The following DOCK6 variants were observed in gnomAD, a reference collection of about 807,000 sequenced individuals.
DOCK6 encodes the protein dedicator of cytokinesis protein 6.
DOCK6 carries 167 observed loss-of-function variants against 230.3 expected under a neutral mutation model. The ratio of observed to expected loss-of-function variants is 0.73; its 90% CI spans 0.64 to 0.82. The LOEUF is 0.82. DOCK6 is among the 40% of genes least tolerant of loss of function. The pLI is 0.00. For synonymous variants in DOCK6, 1,148 were observed against 1,185.0 expected (o/e 0.97, Z 0.64); for missense variants, 2,598 against 2,825.8 (o/e 0.92, Z 1.83).
rs371470356 is a variant in DOCK6 at position 11,201,588 on chromosome 19, A to G, written c.5688+301T>C. On this transcript the variant is annotated intron_variant, in intron 44 of 47. Transcript: ENST00000294618. The surrounding 1 kb of genome is among the most constrained non-coding windows in gnomAD (Gnocchi z 4.3). ...GTACCTGGGCCTCTTCCTGGGCCAC[A>G]CCTCTCCTCCCTGGGCCTTCCTAGA... 3.3e-4 allele frequency among the ~76,000 whole-genome samples: 48 copies of G among 146,168 alleles called. 1 individual carries two copies. The East Asian group carries it at 9.2e-3, about 28-fold the overall frequency.
At chr19:11,239,546 C>T (rs879709062) in intron 14 of DOCK6, 207 of 1,471,602 alleles carry the variant, frequency 1.4e-4, no homozygotes, top group Admixed American at 5.9e-4. Flanking sequence ...GGCACCAGGT[C>T]GGCCAGTTAA....
chr19:11,210,006 G>A (rs570877673), intron 37 of DOCK6, among the ~76,000 whole-genome samples: 1 of 101,930 alleles, frequency 9.8e-6, no homozygotes, highest in African/African-American at 4.0e-5. Context: ...TCCCTCACCT[G>A]CCCACCTTCT....
intron 1 of DOCK6, among the ~76,000 whole-genome samples, chr19:11,261,668 G>A (rs1001290865): frequency 6.6e-6 from 1 of 152,036 alleles, no homozygotes; most frequent in Non-Finnish European, 1.5e-5. Context: ...CAGTGGCCAC[G>A]GAAATGGATC....
Position 11,199,414 on chromosome 19 carries a change from C to T in DOCK6, c.*83G>A. ...TGTGGTCACCCCACAGCCCAGTGGG[C>T]ACCAGGGCAGACTCCCCTCGCAGCA... On this transcript the variant is annotated 3_prime_UTR_variant, in exon 48 of 48. Coordinates refer to ENST00000294618, the MANE Select transcript of DOCK6 (RefSeq NM_020812.4). 3 of 1,507,632 alleles carry T rather than the reference C, an allele frequency of 2.0e-6. No homozygotes were observed. The highest frequency in any genetic ancestry group is 2.7e-6 in the Non-Finnish European group (3 of 1,107,112). 93.4% of individuals were successfully genotyped at this position (1,507,632 alleles called of 1,614,324 possible). A position where few individuals can be genotyped will look rare whatever the true frequency, so the allele number is the denominator to read the frequency against.
At chr19:11,227,303 G>T in intron 24 of DOCK6, 34 bp downstream of exon 24, 1 of 1,607,412 alleles carries the variant, frequency 6.2e-7, no homozygotes, top group Non-Finnish European at 8.5e-7. Flanking sequence ...CCTCCCTCAG[G>T]TTTCTTCCCA....
chr19:11,237,689 G>T lies in DOCK6; in HGVS notation c.1923C>A (p.Ser641Arg). 1 of 1,594,892 alleles carries T rather than the reference G, an allele frequency of 6.3e-7. No individual in the cohort carries two copies. The highest frequency in any genetic ancestry group is 8.5e-7 in the Non-Finnish European group (1 of 1,171,360). ...HHLLFTFYHV[S>R]CQPRPGTALE... ...GGGCAGTGCCCGGCCGGGGCTGGCA[G>T]CTGACATGGTAGAAGGTGAACAGCA... Residue 641 changes from serine (S) to arginine (R), a missense_variant, in exon 17 of 48, where the codon AGC becomes AGA. By Grantham distance (110) the Ser-to-Arg change is moderately radical. Transcript: ENST00000294618.
At position 11,251,049 on chromosome 19, in the gene DOCK6, G is replaced by T. The variant is rs185153527; in HGVS notation, c.545C>A (p.Thr182Asn). The change falls in exon 6 of 48, where the codon ACC becomes AAC. Residue 182 changes from threonine (T) to asparagine (N), a missense_variant. Transcript: ENST00000294618. ...GCTAGAGGCACCACTGCTTCGAGGG[G>T]TGTCTTCCGGGGAGCCCGAGCCACG... ...SRRGSGSPED[T>N]PRSSGASSIF... The T allele has an allele frequency of 1.9e-5, 30 of 1,613,158 alleles. No individual in the cohort carries two copies. The Admixed American group carries it at 3.0e-4, about 16-fold the overall frequency.
rs551122239 is a variant in DOCK6, at chr19:11,200,541, A to T, written c.5940-72T>A. The T allele has an allele frequency of 1.4e-5, 22 of 1,564,270 alleles. No individual in the cohort carries two copies. The African/African-American group carries it at 2.6e-4, about 18-fold the overall frequency. Reference sequence around the variant, plus strand: ...TGAAAGCAAGACTAGGGGTGGGGGCACCCATAAGGCGGGACCAGGCCTGCA... The same window carrying T: ...TGAAAGCAAGACTAGGGGTGGGGGCTCCCATAAGGCGGGACCAGGCCTGCA... On this transcript the variant is annotated intron_variant, in intron 46 of 47. Transcript: ENST00000294618. This position sits in a 1 kb window ranked among gnomAD's most constrained non-coding sequence, Gnocchi z 4.3.
Position 11,202,671 on chromosome 19 carries a change from G to A in DOCK6, c.5274C>T (p.Gly1758=), listed in dbSNP as rs761783805. 2.8e-5 allele frequency: 45 copies of A among 1,613,870 alleles called. No homozygotes were observed. In the East Asian group the frequency reaches 6.5e-4, roughly 23 times the overall value. Residue 1758 remains glycine (G), a synonymous_variant, in exon 42 of 48, where the codon GGC becomes GGT. Coordinates refer to ENST00000294618, the MANE Select transcript of DOCK6 (RefSeq NM_020812.4). This position sits in a 1 kb window ranked among gnomAD's most constrained non-coding sequence, Gnocchi z 5.3. ...GCTCATCCAGGTCACCGAAGTGGGC[G>A]CCGTAGAAGCCCACGCGGAAATACG... ...FGTYFRVGFY[G]AHFGDLDEQE...
intron 28 of DOCK6, among the ~76,000 whole-genome samples, chr19:11,217,609 T>G (rs962729096): frequency 1.3e-5 from 2 of 151,538 alleles, no homozygotes; most frequent in Admixed American, 1.3e-4. Context: ...TTACAAAAAA[T>G]TAGCTGGGTG....
chr19:11,227,344 A>T lies in DOCK6; in HGVS notation c.2948T>A (p.Val983Asp). The part of the protein sequence containing the change: ...GSVGLEVITR[V>D]HKDVELAEHL... ...AGACCCTGCATCTCTCACCTTGTGG[A>T]CACGGGTGATGACCTCCAGGCCCAC... is the stretch of plus-strand genomic sequence containing the variant. Residue 983 changes from valine to aspartate, a missense_variant, in exon 24 of 48, where the codon GTC becomes GAC. Val to Asp is a radical substitution (Grantham distance 152). Transcript: ENST00000294618. 6.2e-7 allele frequency: 1 copy of T among 1,613,802 alleles called. No homozygotes were observed. The highest frequency in any genetic ancestry group is 1.1e-5 in the South Asian group (1 of 91,076).
At chr19:11,230,470 G>A (rs1349373057) in intron 22 of DOCK6, among the ~76,000 whole-genome samples, 1 of 152,156 alleles carries the variant, frequency 6.6e-6, no homozygotes, top group South Asian at 2.1e-4. Flanking sequence ...ACACACGAAG[G>A]CTGGGAATGG....
In DOCK6 at chr19:11,214,553, C is replaced by T. The variant is rs8110957; in HGVS notation, c.4203G>A (p.Gln1401=). Residue 1401 remains glutamine (Q), a splice_region_variant and synonymous_variant, in exon 33 of 48, where the codon CAG becomes CAA. Coordinates refer to ENST00000294618, the MANE Select transcript of DOCK6 (RefSeq NM_020812.4). ...VVLDTLEIIV[Q]TVMLSEARES... Reference sequence around the variant, plus strand: ...AGGCAGATGCTGGATCAAGCCCTACCTGCACGATGATCTCCAGTGTGTCCA... The same window carrying T: ...AGGCAGATGCTGGATCAAGCCCTACTTGCACGATGATCTCCAGTGTGTCCA... 7.9e-3 allele frequency: 12,756 copies of T among 1,613,878 alleles called. 838 individuals carry two copies. The African/African-American group carries it at 0.14, about 18-fold the overall frequency.
intron 23 of DOCK6, among the ~76,000 whole-genome samples, chr19:11,228,530 A>C (rs2079707014): frequency 6.8e-6 from 1 of 146,706 alleles, no homozygotes; most frequent in African/African-American, 2.5e-5. Context: ...TTTCTCAAAT[A>C]TCTCAGGTGC....
At chr19:11,210,091 C>T (rs1244643448) in intron 37 of DOCK6, among the ~76,000 whole-genome samples, 1 of 146,654 alleles carries the variant, frequency 6.8e-6, no homozygotes, top group Non-Finnish European at 1.5e-5. Context: ...CACCTGCCCA[C>T]CTTCTCACCT....
At chr19:11,250,491 T>G (rs1418673554) in intron 6 of DOCK6, among the ~76,000 whole-genome samples, 1 of 151,520 alleles carries the variant, frequency 6.6e-6, no homozygotes, top group East Asian at 1.9e-4. Flanking sequence ...ACTTTTGTAT[T>G]TTTAGTAGAG....
At chr19:11,216,622 T>C (rs2079492367) in intron 30 of DOCK6, 1 of 362,290 alleles carries the variant, frequency 2.8e-6, no homozygotes, top group East Asian at 6.1e-5. Context: ...TTGGCCAGAC[T>C]GCTCTTGAAC....
chr19:11,251,212 C>T, intron 5 of DOCK6, 126 bp from the exon 6 acceptor site: 2 of 946,778 alleles, frequency 2.1e-6, no homozygotes, highest in Non-Finnish European at 3.1e-6. Context: ...AGGGTCATCA[C>T]TCTAAGGGTC....
chr19:11,257,339 C>T (rs543146406), intron 1 of DOCK6, among the ~76,000 whole-genome samples: 1 of 149,080 alleles, frequency 6.7e-6, no homozygotes, highest in South Asian at 2.2e-4. Flanking sequence ...AGATGGCAAC[C>T]ATGAGTGTCA....
Sources: gnomAD v4.1 joint callset for allele counts (sites outside exome capture counted in the v4.1 genomes callset) on GRCh38, gnomAD v4.1.1 for gene constraint, Gnocchi (gnomAD v3.1) non-coding constraint, MANE v1.5 for transcripts, NCBI Gene and HGNC (gene_info 2026-07-23, HGNC 2026-07-21) for gene names.